ARHGAP18: variants seen among roughly 807,000 people sequenced by gnomAD.
ARHGAP18 encodes rho GTPase-activating protein 18.
In ARHGAP18, 67 loss-of-function variants were observed where a neutral mutation model predicts 86.2. The ratio of observed to expected loss-of-function variants is 0.78; its 90% CI spans 0.64 to 0.95. The LOEUF is 0.95. Ranked by LOEUF, ARHGAP18 falls within the 40% of genes least tolerant of loss-of-function variation. ARHGAP18 has a pLI of 0.00. For missense variants in ARHGAP18, 691 were observed against 780.4 expected, an observed-to-expected ratio of 0.89 and a Z score of 1.37; for synonymous variants, 283 against 280.4, an observed-to-expected ratio of 1.01 and a Z score of -0.09.
chr6:129,653,223 A>C (rs966628805), intron 1 of ARHGAP18, among the ~76,000 whole-genome samples: 7 of 152,230 alleles, frequency 4.6e-5, no homozygotes, highest in African/African-American at 1.7e-4. Flanking sequence ...TGAAAATATT[A>C]AAAGTGAAAG....
intron 1 of ARHGAP18, among the ~76,000 whole-genome samples, chr6:129,647,422 T>C (rs1037321978): frequency 6.6e-6 from 1 of 152,200 alleles, no homozygotes; most frequent in African/African-American, 2.4e-5. Flanking sequence ...ATCCAGTCTG[T>C]CTCCTGCTTC....
intron 1 of ARHGAP18, among the ~76,000 whole-genome samples, chr6:129,667,503 G>GTGTGTGTC (rs548429421): frequency 6.9e-6 from 1 of 145,288 alleles, no homozygotes; most frequent in South Asian, 2.2e-4. Context: ...GTGTGTGTGT[G>GTGTGTGTC]TGTTGTGTAT....
intron 12 of ARHGAP18, among the ~76,000 whole-genome samples, chr6:129,597,400 T>C (rs545596890): frequency 6.6e-6 from 1 of 152,256 alleles, no homozygotes; most frequent in East Asian, 1.9e-4. Flanking sequence ...ACCTCCACCA[T>C]GGGCTGTGAT....
At chr6:129,651,775 G>C (rs560644606) in intron 1 of ARHGAP18, among the ~76,000 whole-genome samples, 10 of 152,260 alleles carry the variant, frequency 6.6e-5, no homozygotes, top group Admixed American at 6.5e-4. Flanking sequence ...CTGAGATTTA[G>C]ACCAATAATT....
intron 7 of ARHGAP18, among the ~76,000 whole-genome samples, chr6:129,614,901 C>T (rs1307621031): frequency 2.6e-5 from 4 of 152,112 alleles, no homozygotes. Flanking sequence ...TTCAAGACTG[C>T]AACAAAGAAA....
At chr6:129,606,508 A>G (rs1788856811) in intron 9 of ARHGAP18, among the ~76,000 whole-genome samples, 2 of 152,298 alleles carry the variant, frequency 1.3e-5, no homozygotes, top group Middle Eastern at 3.4e-3. Context: ...CATTGATGTT[A>G]TCATTTTCAG....
intron 1 of ARHGAP18, among the ~76,000 whole-genome samples, chr6:129,704,717 G>C (rs1774775785): frequency 6.6e-6 from 1 of 152,128 alleles, no homozygotes; most frequent in African/African-American, 2.4e-5. Context: ...CTATTAAGCA[G>C]TACCACTGCT....
intron 8 of ARHGAP18, among the ~76,000 whole-genome samples, chr6:129,610,506 G>C (rs1436101573): frequency 1.3e-5 from 2 of 152,244 alleles, no homozygotes; most frequent in Non-Finnish European, 2.9e-5. Context: ...GATGCAGCAA[G>C]ACAGGGAACT....
intron 1 of ARHGAP18, among the ~76,000 whole-genome samples, chr6:129,700,467 A>G (rs2114554982): frequency 6.6e-6 from 1 of 152,368 alleles, no homozygotes; most frequent in Non-Finnish European, 1.5e-5. Flanking sequence ...TATTAAATGT[A>G]GTATTGAAAT....
chr6:129,607,891 A>T lies in ARHGAP18; in HGVS notation c.1282+2T>A. On this transcript the variant is annotated splice_donor_variant, in intron 9 of 14. Coordinates refer to ENST00000368149, the MANE Select transcript of ARHGAP18 (RefSeq NM_033515.3). LOFTEE classifies it high-confidence loss of function. ...ACTGCTTCAAAGAGGGATAGCACTTACTCTGGACAGCCTGAAAGGCTTTGA... is the reference window on the plus strand; with the variant it reads ...ACTGCTTCAAAGAGGGATAGCACTTTCTCTGGACAGCCTGAAAGGCTTTGA... The T allele has an allele frequency of 6.2e-7, 1 of 1,600,012 alleles. No individual in the cohort carries two copies. Among genetic ancestry groups the T allele is most frequent in the South Asian group, 1.1e-5 (1 of 87,760 alleles).
In ARHGAP18 at chr6:129,577,621, C is replaced by A. The variant is rs145975637; in HGVS notation, c.*892G>T. On this transcript the variant is annotated 3_prime_UTR_variant, in exon 15 of 15. Coordinates refer to ENST00000368149, the MANE Select transcript of ARHGAP18 (RefSeq NM_033515.3). ...AATCCCTCTTTAAGTAAAATACATT[C>A]TTCAACCATTACTGGATTATACTAT... 42 of 152,104 alleles carry A rather than the reference C, an allele frequency of 2.8e-4. No individual in the cohort carries two copies. The highest frequency in any genetic ancestry group is 9.9e-4 in the African/African-American group (41 of 41,492). 9.4% of individuals were successfully genotyped at this position (152,104 alleles called of 1,614,324 possible). A position where few individuals can be genotyped will look rare whatever the true frequency, so the allele number is the denominator to read the frequency against.
chr6:129,582,590 A>C (rs1422879893), intron 13 of ARHGAP18, among the ~76,000 whole-genome samples: 1 of 152,182 alleles, frequency 6.6e-6, no homozygotes, highest in Non-Finnish European at 1.5e-5. Flanking sequence ...AAACTGCAAG[A>C]CACTATAGGG....
chr6:129,655,024 G>A (rs976652764), intron 1 of ARHGAP18, among the ~76,000 whole-genome samples: 3 of 152,132 alleles, frequency 2.0e-5, no homozygotes, highest in African/African-American at 7.2e-5. Context: ...GCTATTGAAC[G>A]GAAAGGAGAG....
rs929694782 is a variant in ARHGAP18 at position 129,576,786 on chromosome 6, T to C, written c.*1727A>G. The C allele has an allele frequency of 6.6e-5, 10 of 152,148 alleles. No individual in the cohort carries two copies. Among genetic ancestry groups the C allele is most frequent in the African/African-American group, 1.2e-4 (5 of 41,438 alleles). 9.4% of individuals were successfully genotyped at this position (152,148 alleles called of 1,614,324 possible). A position where few individuals can be genotyped will look rare whatever the true frequency, so the allele number is the denominator to read the frequency against. On this transcript the variant is annotated 3_prime_UTR_variant, in exon 15 of 15. Coordinates refer to ENST00000368149, the MANE Select transcript of ARHGAP18 (RefSeq NM_033515.3). ...TGTTTTAAGCACTTAATTTTTCTTT[T>C]ATATTATTAATTGTTTTCAACCCAC...
chr6:129,662,415 TC>T (rs1245275457), intron 1 of ARHGAP18, among the ~76,000 whole-genome samples: 2 of 152,254 alleles, frequency 1.3e-5, no homozygotes, highest in African/African-American at 4.8e-5. Flanking sequence ...TCTATTGTCA[TC>T]CTCTTGCCTT....
chr6:129,605,959 T>A lies in ARHGAP18; in HGVS notation c.1283A>T (p.Asn428Ile). The A allele has an allele frequency of 6.2e-7, 1 of 1,612,956 alleles. No individual in the cohort carries two copies. The highest frequency in any genetic ancestry group is 1.1e-5 in the South Asian group (1 of 91,070). ...TAGTTGCTGCTTCTTGGTTGGAAGA[T>A]CTGCAGACAAATTAAATAAATCTGA... ...EYLKAFQAVQ[N>I]LPTKKQQLQA... The change falls in exon 10 of 15, where the codon AAT becomes ATT. Residue 428 changes from asparagine (N) to isoleucine (I), a missense_variant and splice_region_variant. By Grantham distance (149) the Asn-to-Ile change is moderately radical. Transcript: ENST00000368149.
At chr6:129,612,268 A>ATT (rs1788995481) in intron 7 of ARHGAP18, among the ~76,000 whole-genome samples, 1 of 152,232 alleles carries the variant, frequency 6.6e-6, no homozygotes, top group South Asian at 2.1e-4. Flanking sequence ...TAAGAAGACA[A>ATT]TAAGAGTGGT....
chr6:129,680,580 G>T (rs578061504), intron 1 of ARHGAP18, among the ~76,000 whole-genome samples: 3 of 152,274 alleles, frequency 2.0e-5, no homozygotes, highest in Admixed American at 1.3e-4. Context: ...CTGGGAGAAA[G>T]AGCCCAAGAA....
At chr6:129,699,492 A>G (rs988504934) in intron 1 of ARHGAP18, among the ~76,000 whole-genome samples, 1 of 152,248 alleles carries the variant, frequency 6.6e-6, no homozygotes, top group Non-Finnish European at 1.5e-5. Flanking sequence ...TTGGGTTGGA[A>G]AAGTTTATTT....
Sources: allele counts gnomAD v4.1 joint callset (sites outside exome capture counted in the v4.1 genomes callset), GRCh38; gene constraint gnomAD v4.1.1; transcripts MANE v1.5; gene names NCBI Gene and HGNC (gene_info 2026-07-23, HGNC 2026-07-21).